Variants in IL1RAPL1 observed in about 807,000 individuals in gnomAD.
The protein encoded by IL1RAPL1 is interleukin-1 receptor accessory protein-like 1.
In IL1RAPL1, 3 loss-of-function variants were observed where a neutral mutation model predicts 48.4. That is an observed-to-expected ratio of 0.06 (90% CI 0.03 to 0.16). The LOEUF (loss-of-function observed/expected upper bound fraction) is 0.16. IL1RAPL1 is among the 10% of genes least tolerant of loss of function. The pLI is 1.00. For missense variants in IL1RAPL1, 349 were observed against 530.6 expected (o/e 0.66, Z 3.36); for synonymous variants, 185 against 187.7 (o/e 0.99, Z 0.12).
chrX:28,949,855 G>A (rs1259250512), intron 2 of IL1RAPL1, among the ~76,000 whole-genome samples: 4 of 109,915 alleles, frequency 3.6e-5, no homozygotes, highest in Non-Finnish European at 7.6e-5. Context: ...TGTCAGATGA[G>A]TAGGTTGCGA....
intron 1 of IL1RAPL1, among the ~76,000 whole-genome samples, chrX:28,646,221 C>T (rs1385507467): frequency 9.0e-6 from 1 of 111,627 alleles, no homozygotes; most frequent in Admixed American, 9.5e-5. Flanking sequence ...AACATAGATC[C>T]CTTGCATGCA....
chrX:29,585,602 G>C (rs1923130055), intron 5 of IL1RAPL1, among the ~76,000 whole-genome samples: 1 of 111,865 alleles, frequency 8.9e-6, no homozygotes, highest in Non-Finnish European at 1.9e-5. Context: ...CCTTCAAACT[G>C]TTCTCCATAA....
chrX:28,744,150 A>G (rs1264353124), intron 1 of IL1RAPL1, among the ~76,000 whole-genome samples: 1 of 110,818 alleles, frequency 9.0e-6, no homozygotes, highest in African/African-American at 3.3e-5. Context: ...CAAAATGTAT[A>G]TCTTATACGC....
At chrX:29,597,572 G>A (rs1923592679) in intron 5 of IL1RAPL1, among the ~76,000 whole-genome samples, 1 of 112,080 alleles carries the variant, frequency 8.9e-6, no homozygotes, top group African/African-American at 3.2e-5. Context: ...ATGATTTAGG[G>A]AGGATTCCCT....
intron 5 of IL1RAPL1, among the ~76,000 whole-genome samples, chrX:29,659,518 C>T (rs1292100575): frequency 8.9e-6 from 1 of 112,394 alleles, no homozygotes; most frequent in African/African-American, 3.2e-5. Flanking sequence ...CAGGCATTCA[C>T]TTTTCTCTGC....
At chrX:29,653,957 A>C (rs1330264879) in intron 5 of IL1RAPL1, among the ~76,000 whole-genome samples, 1 of 106,843 alleles carries the variant, frequency 9.4e-6, no homozygotes, top group Admixed American at 1.0e-4. Context: ...GGCTGTATCC[A>C]GGATAGAATA....
At chrX:29,540,998 T>A (rs1234353131) in intron 5 of IL1RAPL1, among the ~76,000 whole-genome samples, 1 of 111,668 alleles carries the variant, frequency 9.0e-6, no homozygotes, top group Non-Finnish European at 1.9e-5. Flanking sequence ...ACAGACAACC[T>A]ACAGAATGGG....
chrX:28,958,198 C>T (rs1924668401), intron 2 of IL1RAPL1, among the ~76,000 whole-genome samples: 1 of 110,468 alleles, frequency 9.1e-6, no homozygotes, highest in Admixed American at 9.7e-5. Context: ...CATGATGTTG[C>T]ACAATAGATC....
chrX:29,213,746 C>T (rs1372693258), intron 2 of IL1RAPL1, among the ~76,000 whole-genome samples: 2 of 112,182 alleles, frequency 1.8e-5, no homozygotes, highest in African/African-American at 3.2e-5. Context: ...ACTTTTTCAT[C>T]TTAGTCTTTA....
intron 6 of IL1RAPL1, among the ~76,000 whole-genome samples, chrX:29,854,904 C>A (rs1286755783): frequency 1.8e-5 from 2 of 110,674 alleles, no homozygotes; most frequent in Non-Finnish European, 3.8e-5. Flanking sequence ...AGCACACACA[C>A]ACACACACAC....
intron 6 of IL1RAPL1, among the ~76,000 whole-genome samples, chrX:29,910,738 G>GA (rs1268045927): frequency 1.8e-5 from 2 of 111,145 alleles, no homozygotes; most frequent in Non-Finnish European, 3.8e-5. Context: ...TCATAATTTT[G>GA]AACAGTACTG....
At chrX:29,054,704 G>T (rs751808104) in intron 2 of IL1RAPL1, among the ~76,000 whole-genome samples, 2 of 112,116 alleles carry the variant, frequency 1.8e-5, no homozygotes, top group South Asian at 7.4e-4. Flanking sequence ...TTGGGTTTTG[G>T]TTTGTCTACA....
chrX:29,670,660 CA>C (rs1602356113), intron 6 of IL1RAPL1, among the ~76,000 whole-genome samples: 1 of 111,716 alleles, frequency 9.0e-6, no homozygotes, highest in Non-Finnish European at 1.9e-5. Context: ...ATATTAAAGA[CA>C]AAAAAGGCTT....
chrX:28,762,782 G>A (rs1487846357), intron 1 of IL1RAPL1, among the ~76,000 whole-genome samples: 3 of 61,827 alleles, frequency 4.9e-5, no homozygotes, highest in Non-Finnish European at 7.9e-5. Context: ...ATACGCACGC[G>A]CGCGCACACA....
At chrX:29,616,850 C>G (rs932854256) in intron 5 of IL1RAPL1, among the ~76,000 whole-genome samples, 2 of 111,897 alleles carry the variant, frequency 1.8e-5, no homozygotes, top group Non-Finnish European at 3.8e-5. Flanking sequence ...TCATTTTTAC[C>G]TAGACTGTTA....
At chrX:28,793,804 A>C (rs918493786) in intron 2 of IL1RAPL1, among the ~76,000 whole-genome samples, 7 of 111,152 alleles carry the variant, frequency 6.3e-5, no homozygotes, top group African/African-American at 2.0e-4. Flanking sequence ...TGTAGAAATT[A>C]GGTAAGAGAA....
At chrX:29,526,909 G>A (rs1935558315) in intron 5 of IL1RAPL1, among the ~76,000 whole-genome samples, 1 of 111,509 alleles carries the variant, frequency 9.0e-6, no homozygotes, top group African/African-American at 3.3e-5. Flanking sequence ...TAGGCAAGTT[G>A]AAACTAAGGT....
chrX:29,022,859 T>C (rs1393144888), intron 2 of IL1RAPL1, among the ~76,000 whole-genome samples: 1 of 111,985 alleles, frequency 8.9e-6, no homozygotes, highest in Non-Finnish European at 1.9e-5. Context: ...TTCATAGAAA[T>C]ATTAAACAAC....
intron 6 of IL1RAPL1, among the ~76,000 whole-genome samples, chrX:29,885,953 G>C (rs1458573904): frequency 2.7e-5 from 3 of 112,405 alleles, no homozygotes; most frequent in East Asian, 5.5e-4. Flanking sequence ...AGTAACATTT[G>C]TTTTAAATTA....
Sources: allele counts gnomAD v4.1 joint callset (sites outside exome capture counted in the v4.1 genomes callset), GRCh38; gene constraint gnomAD v4.1.1; transcripts MANE v1.5; gene names NCBI Gene and HGNC (gene_info 2026-07-23, HGNC 2026-07-21).